Variants in ARHGAP22 observed in about 807,000 individuals in gnomAD.
The protein encoded by ARHGAP22 is rho GTPase-activating protein 22.
ARHGAP22 carries 48 observed loss-of-function variants against 59.1 expected under a neutral mutation model. The ratio of observed to expected loss-of-function variants is 0.81; its 90% CI spans 0.64 to 1.03. ARHGAP22 has a LOEUF of 1.03. Among genes scored for constraint, ARHGAP22 ranks in the 50% least tolerant of loss-of-function variants. The pLI, the probability that ARHGAP22 is intolerant of heterozygous loss-of-function variation, is 0.00. For synonymous variants in ARHGAP22, 445 were observed against 416.4 expected, an observed-to-expected ratio of 1.07 and a Z score of -0.84; for missense variants, 1,015 against 958.7, an observed-to-expected ratio of 1.06 and a Z score of -0.78.
intron 2 of ARHGAP22, among the ~76,000 whole-genome samples, chr10:48,573,805 T>A (rs2058543088): frequency 6.6e-6 from 1 of 152,238 alleles, no homozygotes; most frequent in Non-Finnish European, 1.5e-5. Context: ...TCAATGATCT[T>A]CCCAAATCTA....
chr10:48,539,540 C>T (rs900772172), intron 3 of ARHGAP22, among the ~76,000 whole-genome samples: 16 of 151,980 alleles, frequency 1.1e-4, no homozygotes, highest in Non-Finnish European at 2.2e-4. Flanking sequence ...ATCCGCCCGC[C>T]TCGGCCTCCC....
chr10:48,624,744 T>C lies in ARHGAP22; in HGVS notation c.52+27490A>G, dbSNP rs565002219. ...CAACTCCAAGAAAGATAAGTTCTCA[T>C]GCCACGAGGAAAGCAGCACAGGTTG... On this transcript the variant is annotated intron_variant, in intron 1 of 9. Transcript: ENST00000435790. 3.9e-5 allele frequency among the ~76,000 whole-genome samples: 6 copies of C among 152,362 alleles called. No homozygotes were observed. The South Asian group carries it at 1.2e-3, about 32-fold the overall frequency.
chr10:48,506,125 G>A (rs1268446430), intron 3 of ARHGAP22, among the ~76,000 whole-genome samples: 1 of 152,184 alleles, frequency 6.6e-6, no homozygotes, highest in Admixed American at 6.5e-5. Context: ...CAGGGCCTCA[G>A]CAAATGTCCT....
At position 48,450,681 on chromosome 10, in the gene ARHGAP22, G is replaced by A. The variant is rs912814466; in HGVS notation, c.1448C>T (p.Ser483Leu). ...GGTGGAGAGTCTCTGCACGGAGCCCGAGTCCTTGAGCCGGTCTCCCGACGA... is the reference window on the plus strand; with the variant it reads ...GGTGGAGAGTCTCTGCACGGAGCCCAAGTCCTTGAGCCGGTCTCCCGACGA... ...RASSGDRLKD[S>L]GSVQRLSTYD... The change falls in exon 9 of 10, where the codon TCG becomes TTG. Residue 483 changes from serine (S) to leucine (L), a missense_variant. Physicochemically the swap from Ser to Leu is moderately radical, Grantham distance 145. Coordinates refer to ENST00000249601, the MANE Select transcript of ARHGAP22 (RefSeq NM_021226.4). 10 of 1,550,998 alleles carry A rather than the reference G, an allele frequency of 6.4e-6. No individual in the cohort carries two copies. The highest frequency in any genetic ancestry group is 8.7e-6 in the Non-Finnish European group (10 of 1,147,470).
the ARHGAP22 span, among the ~76,000 whole-genome samples, chr10:48,434,183 A>T: frequency 3.5e-3 from 531 of 152,298 alleles, 5 homozygotes; most frequent in African/African-American, 0.012. Context: ...TGCTCTTACT[A>T]TATTTAATAA....
At chr10:48,539,260 A>C (rs1325167320) in intron 3 of ARHGAP22, among the ~76,000 whole-genome samples, 1 of 148,778 alleles carries the variant, frequency 6.7e-6, no homozygotes, top group Non-Finnish European at 1.5e-5. Context: ...TATTCATGTC[A>C]TCTGCTAACA....
rs775043258 is a variant in ARHGAP22, at chr10:48,450,901, T to G, written c.1228A>C (p.Thr410Pro). 5 of 1,592,196 alleles carry G rather than the reference T, an allele frequency of 3.1e-6. No individual in the cohort carries two copies. The highest frequency in any genetic ancestry group is 4.3e-6 in the Non-Finnish European group (5 of 1,170,746). The part of the protein sequence containing the change: ...AVAVLSRTAP[T>P]GPGSRCSPGK... The stretch of plus-strand genomic sequence containing the variant: ...GGGCTGCACCGGCTCCCCGGCCCCG[T>G]GGGGGCTGTTCTGGAGAGCACCGCC... Residue 410 changes from threonine (T) to proline (P), a missense_variant, in exon 9 of 10, where the codon ACG becomes CCG. Physicochemically the swap from Thr to Pro is conservative, Grantham distance 38 (BLOSUM62 -1). Coordinates refer to ENST00000249601, the MANE Select transcript of ARHGAP22 (RefSeq NM_021226.4).
Position 48,450,301 on chromosome 10 carries a change from G to C in ARHGAP22, c.1828C>G (p.Leu610Val), listed in dbSNP as rs1415610182. ...QGLVTELRAELCRQRTEYERS... is the reference protein window; with the variant it reads ...QGLVTELRAEVCRQRTEYERS... ...TCGTACTCAGTCCGCTGGCGGCACA[G>C]CTCGGCCCTGAGCTCAGTGACCAGC... is the stretch of plus-strand genomic sequence containing the variant. The change falls in exon 9 of 10, where the codon CTG becomes GTG. Residue 610 changes from leucine to valine, a missense_variant. Coordinates refer to ENST00000249601, the MANE Select transcript of ARHGAP22 (RefSeq NM_021226.4). 2 of 1,607,826 alleles carry C rather than the reference G, an allele frequency of 1.2e-6. No individual in the cohort carries two copies. The highest frequency in any genetic ancestry group is 1.1e-5 in the South Asian group (1 of 89,964).
chr10:48,521,164 A>G (rs2053773548), intron 3 of ARHGAP22, among the ~76,000 whole-genome samples: 1 of 152,162 alleles, frequency 6.6e-6, no homozygotes, highest in Non-Finnish European at 1.5e-5. Flanking sequence ...AGCACCTGGA[A>G]CCCAGGATTT....
rs12415798 is a variant in ARHGAP22, at chr10:48,590,293, G to A, written c.35-7141C>T. Among the ~76,000 whole-genome samples, 389 of 152,202 alleles carry A rather than the reference G, an allele frequency of 2.6e-3. 5 individuals are homozygous for A. The highest frequency in any genetic ancestry group is 0.021 in the Admixed American group (315 of 15,290). ...TTTAAGTGCATTTGGACTGGCAGAT[G>A]TGGAGGCTGTGGGTGAGGGTCAGGT... On this transcript the variant is annotated intron_variant, in intron 1 of 9. Coordinates refer to ENST00000249601, the MANE Select transcript of ARHGAP22 (RefSeq NM_021226.4).
chr10:48,606,319 A>G (rs573029891), upstream of ARHGAP22, among the ~76,000 whole-genome samples: 32 of 152,242 alleles, frequency 2.1e-4, no homozygotes, highest in African/African-American at 7.2e-4. Context: ...AGTGTGCCCT[A>G]TGGAGAGGGG....
At chr10:48,530,599 A>T (rs958020911) in intron 3 of ARHGAP22, among the ~76,000 whole-genome samples, 3 of 152,160 alleles carry the variant, frequency 2.0e-5, no homozygotes, top group African/African-American at 7.2e-5. Flanking sequence ...CCATCAAAAA[A>T]TGGGCTAAGG....
upstream of ARHGAP22, among the ~76,000 whole-genome samples, chr10:48,608,468 C>T (rs1287192179): frequency 2.0e-5 from 3 of 152,194 alleles, no homozygotes; most frequent in African/African-American, 7.2e-5. Flanking sequence ...CAAAGCCCTG[C>T]TTCCCCTGTT....
chr10:48,516,938 T>TA (rs1219892400), intron 3 of ARHGAP22, among the ~76,000 whole-genome samples: 1 of 152,216 alleles, frequency 6.6e-6, no homozygotes, highest in East Asian at 1.9e-4. Flanking sequence ...TAAAAAGGAA[T>TA]GAAGTAGCCA....
At chr10:48,489,622 T>C (rs1247755589) in intron 3 of ARHGAP22, among the ~76,000 whole-genome samples, 2 of 152,238 alleles carry the variant, frequency 1.3e-5, no homozygotes, top group Non-Finnish European at 2.9e-5. Context: ...TTATGAAAGA[T>C]GAGTGTCTAT....
chr10:48,501,566 T>G (rs747867483), intron 3 of ARHGAP22, among the ~76,000 whole-genome samples: 11 of 152,236 alleles, frequency 7.2e-5, no homozygotes, highest in Admixed American at 2.6e-4. Flanking sequence ...TTTGACAATC[T>G]CTTTGGAAGA....
At chr10:48,552,561 T>C (rs1214909303) in intron 3 of ARHGAP22, among the ~76,000 whole-genome samples, 1 of 152,252 alleles carries the variant, frequency 6.6e-6, no homozygotes, top group Admixed American at 6.5e-5. Context: ...GCCCACTTGG[T>C]GATACTTCCT....
chr10:48,654,155 T>C (rs547218772), upstream of ARHGAP22, among the ~76,000 whole-genome samples: 3 of 152,346 alleles, frequency 2.0e-5, no homozygotes, highest in Non-Finnish European at 4.4e-5. Flanking sequence ...ACTTCAGGCA[T>C]GGCTGGATCC....
intron 1 of ARHGAP22, among the ~76,000 whole-genome samples, chr10:48,641,525 C>T (rs200452973): frequency 1.3e-5 from 2 of 152,284 alleles, no homozygotes; most frequent in East Asian, 3.9e-4. Flanking sequence ...GCAGAAAAGG[C>T]CTTTGACAAA....
Sources: gnomAD v4.1 joint callset for allele counts (sites outside exome capture counted in the v4.1 genomes callset) on GRCh38, gnomAD v4.1.1 for gene constraint, MANE v1.5 for transcripts, NCBI Gene and HGNC (gene_info 2026-07-23, HGNC 2026-07-21) for gene names.